C1GALT1: variants seen among roughly 807,000 people sequenced by gnomAD.
C1GALT1 encodes the protein core 1 synthase, glycoprotein-N-acetylgalactosamine 3-beta-galactosyltransferase 1.
In C1GALT1, 11 loss-of-function variants were observed where a neutral mutation model predicts 31.0. The observed-to-expected ratio is 0.36, with a 90% CI of 0.22 to 0.59. C1GALT1 has a LOEUF of 0.59. Among genes scored for constraint, C1GALT1 ranks in the 20% least tolerant of loss-of-function variants. The pLI, the probability that C1GALT1 is intolerant of heterozygous loss-of-function variation, is 0.79. For missense variants in C1GALT1, 424 were observed against 425.2 expected (o/e 1.00, Z 0.03); for synonymous variants, 175 against 143.6 (o/e 1.22, Z -1.56).
intron 2 of C1GALT1, among the ~76,000 whole-genome samples, chr7:7,167,920 A>G (rs1389935505): frequency 6.6e-6 from 1 of 152,130 alleles, no homozygotes; most frequent in Non-Finnish European, 1.5e-5. Context: ...AATCCTAAGA[A>G]TCTTACCTTC....
intron 3 of C1GALT1, among the ~76,000 whole-genome samples, chr7:7,242,210 C>CT (rs79025784): frequency 0.1 from 13,427 of 132,206 alleles, 852 homozygotes; most frequent in East Asian, 0.23. Flanking sequence ...TGAAATTTCA[C>CT]TTTTTTTTTT....
intron 1 of C1GALT1, among the ~76,000 whole-genome samples, chr7:7,223,263 A>G (rs906888685): frequency 6.6e-6 from 1 of 152,134 alleles, no homozygotes; most frequent in African/African-American, 2.4e-5. Context: ...GGTTCAAGCA[A>G]TTCTCCTGCT....
intron 1 of C1GALT1, among the ~76,000 whole-genome samples, chr7:7,183,293 C>G (rs1780669493): frequency 6.6e-6 from 1 of 152,126 alleles, no homozygotes; most frequent in South Asian, 2.1e-4. Flanking sequence ...TGTTGGGCAC[C>G]TTCGCCGGGG....
At chr7:7,177,329 T>C (rs1780514816) in intron 2 of C1GALT1, among the ~76,000 whole-genome samples, 1 of 152,224 alleles carries the variant, frequency 6.6e-6, no homozygotes, top group African/African-American at 2.4e-5. Context: ...AGCCTTCCCC[T>C]GTGTGCCCTA....
chr7:7,169,022 C>T lies in C1GALT1; in HGVS notation c.-18+11596C>T, dbSNP rs542060943. Among the ~76,000 whole-genome samples the T allele has an allele frequency of 2.1e-4, 32 of 152,316 alleles. No individual in the cohort carries two copies. In the South Asian group the frequency reaches 4.6e-3, roughly 22 times the overall value. ...AAATTCAATAACCATTAAGCAATAA[C>T]ACTCCCTTATCCCCTCCACCTTTAA... On this transcript the variant is annotated intron_variant, in intron 2 of 3. Coordinates refer to the C1GALT1 transcript ENST00000429911.
chr7:7,215,310 C>A lies in C1GALT1; in HGVS notation c.-17-18993C>A, dbSNP rs115851909. Among the ~76,000 whole-genome samples the A allele has an allele frequency of 4.4e-3, 674 of 152,270 alleles. 4 individuals carry two copies. The highest frequency in any genetic ancestry group is 0.016 in the African/African-American group (646 of 41,532). On this transcript the variant is annotated intron_variant, in intron 1 of 3. Transcript: ENST00000436587. ...ACACCAGATTGTTTATAACTGAAGA[C>A]CAACCTCACAAATCCTTCTTCATTA...
At chr7:7,190,154 C>T (rs1245967872) in intron 1 of C1GALT1, among the ~76,000 whole-genome samples, 1 of 152,084 alleles carries the variant, frequency 6.6e-6, no homozygotes, top group Non-Finnish European at 1.5e-5. Context: ...AAAGAAGGAA[C>T]CAGGGTTATT....
chr7:7,164,022 C>G (rs1780366613), intron 2 of C1GALT1, among the ~76,000 whole-genome samples: 1 of 152,070 alleles, frequency 6.6e-6, no homozygotes, highest in Admixed American at 6.6e-5. Flanking sequence ...AATCCTAAGC[C>G]AAAAGAACTA....
upstream of C1GALT1, chr7:7,178,353 C>T (rs1029320243): frequency 4.5e-6 from 1 of 223,890 alleles, no homozygotes; most frequent in African/African-American, 2.3e-5. Flanking sequence ...ATACAGCCAA[C>T]TTTGTGAAAT....
chr7:7,224,790 A>G (rs568031869), intron 1 of C1GALT1, among the ~76,000 whole-genome samples: 2 of 152,258 alleles, frequency 1.3e-5, no homozygotes, highest in East Asian at 3.9e-4. Flanking sequence ...TTTTAGGTTC[A>G]GGGGTACATA....
chr7:7,175,123 T>TTTG (rs1780491876), intron 2 of C1GALT1, among the ~76,000 whole-genome samples: 1 of 152,010 alleles, frequency 6.6e-6, no homozygotes, highest in South Asian at 2.1e-4. Flanking sequence ...CCTAGGGGGG[T>TTTG]TTGCTGTTTT....
intron 1 of C1GALT1, among the ~76,000 whole-genome samples, chr7:7,225,388 C>T (rs562245794): frequency 6.6e-6 from 1 of 152,248 alleles, no homozygotes; most frequent in Non-Finnish European, 1.5e-5. Flanking sequence ...CAGTATATAG[C>T]ATAGTGCTGT....
chr7:7,227,574 G>C (rs1782827100), intron 1 of C1GALT1, among the ~76,000 whole-genome samples: 1 of 151,960 alleles, frequency 6.6e-6, no homozygotes, highest in South Asian at 2.1e-4. Flanking sequence ...CAAAAAATTA[G>C]CCGGGCGTAG....
intron 1 of C1GALT1, among the ~76,000 whole-genome samples, chr7:7,205,856 C>T (rs1402644894): frequency 6.6e-6 from 1 of 152,098 alleles, no homozygotes; most frequent in Non-Finnish European, 1.5e-5. Flanking sequence ...TTTATCAATT[C>T]TGCAAATCTC....
rs1783892706 is a variant in C1GALT1 at position 7,247,511 on chromosome 7, T to G, written c.*3784T>G. ...ATATTTTTTGAATACAGAATTGGAT[T>G]TGAGCAGTAAATTTGCTAACTGGTT... On this transcript the variant is annotated 3_prime_UTR_variant, in exon 4 of 4. Coordinates refer to ENST00000436587, the MANE Select transcript of C1GALT1 (RefSeq NM_020156.5). 1 of 152,128 alleles carries G rather than the reference T, an allele frequency of 6.6e-6. No individual in the cohort carries two copies. Among genetic ancestry groups the G allele is most frequent in the Non-Finnish European group, 1.5e-5 (1 of 67,970 alleles). The allele number at this position is 152,128 out of a possible 1,614,324, so 9.4% of individuals were successfully genotyped here. A position where few individuals can be genotyped will look rare whatever the true frequency, so the allele number is the denominator to read the frequency against.
chr7:7,180,682 GTTTAAATTT>G (rs1036320812), upstream of C1GALT1, among the ~76,000 whole-genome samples: 1 of 152,094 alleles, frequency 6.6e-6, no homozygotes, highest in African/African-American at 2.4e-5. Context: ...TTGCATTTTT[GTTTAAATTT>G]TTTAAATTTG....
chr7:7,204,879 G>A (rs1781670706), intron 1 of C1GALT1, among the ~76,000 whole-genome samples: 1 of 151,840 alleles, frequency 6.6e-6, no homozygotes, highest in African/African-American at 2.4e-5. Flanking sequence ...TCATTGTATT[G>A]TGCTCAGAGA....
At chr7:7,190,071 G>A (rs1012666961) in intron 1 of C1GALT1, among the ~76,000 whole-genome samples, 2 of 152,118 alleles carry the variant, frequency 1.3e-5, no homozygotes, top group Non-Finnish European at 2.9e-5. Context: ...GGACACATCT[G>A]TAGGCTGACA....
intron 2 of C1GALT1, among the ~76,000 whole-genome samples, chr7:7,159,133 C>T (rs1202295924): frequency 6.6e-6 from 1 of 152,068 alleles, no homozygotes; most frequent in Non-Finnish European, 1.5e-5. Flanking sequence ...AGTCAAGAAT[C>T]ATGAAGGTGT....
Sources: allele counts gnomAD v4.1 joint callset (sites outside exome capture counted in the v4.1 genomes callset), GRCh38; gene constraint gnomAD v4.1.1; transcripts MANE v1.5; gene names NCBI Gene and HGNC (gene_info 2026-07-23, HGNC 2026-07-21).